The following LIN28B variants were observed in gnomAD, a reference collection of about 807,000 sequenced individuals.
The protein encoded by LIN28B is protein lin-28 homolog B.
A neutral mutation model predicts 21.9 loss-of-function variants in LIN28B; 5 were observed. That is an observed-to-expected ratio of 0.23 (90% CI 0.12 to 0.48). LIN28B has a LOEUF of 0.48. Among genes scored for constraint, LIN28B ranks in the 20% least tolerant of loss-of-function variants. The probability of loss-of-function intolerance (pLI) is 0.98; values close to 1 mark genes in which losing one functional copy is unlikely to be tolerated. For missense variants in LIN28B, 245 were observed against 310.5 expected (o/e 0.79, Z 1.58); for synonymous variants, 109 against 111.3 (o/e 0.98, Z 0.13).
chr6:105,050,710 G>C (rs1414594369), intron 3 of LIN28B, among the ~76,000 whole-genome samples: 5 of 150,474 alleles, frequency 3.3e-5, no homozygotes, highest in East Asian at 1.9e-4. Flanking sequence ...AGTCTGATGG[G>C]CTTCCCTTTG....
chr6:104,991,884 G>C (rs931247938), intron 2 of LIN28B, among the ~76,000 whole-genome samples: 1 of 152,116 alleles, frequency 6.6e-6, no homozygotes, highest in East Asian at 1.9e-4. Flanking sequence ...GGCGGCGTGC[G>C]CCTGCAATCG....
intron 2 of LIN28B, among the ~76,000 whole-genome samples, chr6:104,995,370 A>C (rs1234906447): frequency 6.6e-6 from 1 of 152,176 alleles, no homozygotes; most frequent in Non-Finnish European, 1.5e-5. Context: ...GAGTTGATTG[A>C]GTGGATCGGA....
At chr6:105,071,609 G>C (rs1305894053) in intron 3 of LIN28B, among the ~76,000 whole-genome samples, 2 of 152,148 alleles carry the variant, frequency 1.3e-5, no homozygotes, top group Non-Finnish European at 2.9e-5. Flanking sequence ...CTAGGTCAGA[G>C]AGTATGTGTA....
intron 3 of LIN28B, among the ~76,000 whole-genome samples, chr6:105,031,905 C>A (rs1771432698): frequency 1.3e-5 from 2 of 152,046 alleles, no homozygotes. Context: ...TTATTACCCC[C>A]AAAAATCTCC....
chr6:104,953,734 G>T (rs1017174627), upstream of LIN28B, among the ~76,000 whole-genome samples: 1 of 152,206 alleles, frequency 6.6e-6, no homozygotes, highest in African/African-American at 2.4e-5. Flanking sequence ...GCCGCCTGGG[G>T]AGCGACCTGC....
At chr6:104,977,821 C>G (rs1156260224) in intron 2 of LIN28B, among the ~76,000 whole-genome samples, 2 of 152,146 alleles carry the variant, frequency 1.3e-5, no homozygotes, top group Non-Finnish European at 2.9e-5. Context: ...CCGCCTTGGC[C>G]TCCCAAAATG....
chr6:105,032,862 A>G (rs1479805568), intron 3 of LIN28B, among the ~76,000 whole-genome samples: 1 of 152,096 alleles, frequency 6.6e-6, no homozygotes, highest in African/African-American at 2.4e-5. Context: ...CTCTTTGACA[A>G]ACTGTTTCTT....
chr6:105,023,234 ATT>A (rs1771173625), intron 2 of LIN28B, among the ~76,000 whole-genome samples: 1 of 97,020 alleles, frequency 1.0e-5, no homozygotes, highest in Non-Finnish European at 1.9e-5. Context: ...TATAATATAT[ATT>A]ATATTATATA....
intron 1 of LIN28B, among the ~76,000 whole-genome samples, chr6:104,957,570 C>T (rs146807019): frequency 6.6e-6 from 1 of 152,172 alleles, no homozygotes; most frequent in East Asian, 1.9e-4. Context: ...TACACCTGCC[C>T]CCTCCCCCAT....
In LIN28B at chr6:104,994,328, A is replaced by G. The variant is rs370727824; in HGVS notation, c.199-31970A>G. On this transcript the variant is annotated intron_variant, in intron 2 of 3. Transcript: ENST00000345080. ...CGATAAAAACATTTTTTAACTTTTAACGATACTTTTAAGTGAAGATCTGTG... is the reference window on the plus strand; with the variant it reads ...CGATAAAAACATTTTTTAACTTTTAGCGATACTTTTAAGTGAAGATCTGTG... 2.4e-4 allele frequency among the ~76,000 whole-genome samples: 36 copies of G among 152,322 alleles called. No homozygotes were observed. In the East Asian group the frequency reaches 5.4e-3, roughly 23 times the overall value.
chr6:104,958,622 G>T (rs1769638562), intron 2 of LIN28B, among the ~76,000 whole-genome samples: 1 of 152,034 alleles, frequency 6.6e-6, no homozygotes, highest in Admixed American at 6.6e-5. Context: ...CTGGTGAATG[G>T]GTAGAAAAAT....
intron 2 of LIN28B, among the ~76,000 whole-genome samples, chr6:105,013,072 A>G (rs1440069728): frequency 2.0e-5 from 3 of 151,854 alleles, no homozygotes; most frequent in Admixed American, 6.6e-5. Context: ...CTGGGGTGCA[A>G]TGGCGCAATC....
At chr6:105,032,585 C>T (rs945723964) in intron 3 of LIN28B, among the ~76,000 whole-genome samples, 1 of 151,928 alleles carries the variant, frequency 6.6e-6, no homozygotes, top group Non-Finnish European at 1.5e-5. Context: ...ATTAGCTGGG[C>T]ATGGTGGTGC....
chr6:104,989,618 G>GA (rs1279507474), intron 2 of LIN28B, among the ~76,000 whole-genome samples: 3 of 113,120 alleles, frequency 2.7e-5, no homozygotes, highest in African/African-American at 6.5e-5. Context: ...TTTTGAGACA[G>GA]AGTCTCACTG....
intron 3 of LIN28B, among the ~76,000 whole-genome samples, chr6:105,033,548 T>G (rs1016960427): frequency 6.6e-5 from 10 of 152,074 alleles, no homozygotes; most frequent in Non-Finnish European, 1.3e-4. Context: ...TAGTAAATAT[T>G]GTGTTGTTTT....
chr6:105,061,600 A>G (rs1772122605), intron 3 of LIN28B, among the ~76,000 whole-genome samples: 1 of 139,112 alleles, frequency 7.2e-6, no homozygotes, highest in Non-Finnish European at 1.5e-5. Flanking sequence ...CCTACCATTT[A>G]TATATGGAGG....
In LIN28B at chr6:105,080,213, T is replaced by A. The variant is rs221634; in HGVS notation, c.*1430T>A. ...TAGGTTTCGGTCATGGAAAAAAAAA[T>A]TATTTTGGGGTCATCCTGGCTCTAG... On this transcript the variant is annotated 3_prime_UTR_variant, in exon 4 of 4. Transcript: ENST00000345080. The A allele has an allele frequency of 0.52, 79,039 of 151,802 alleles. 21,762 individuals are homozygous for A. Among genetic ancestry groups the A allele is most frequent in the Non-Finnish European group, 0.62 (42,125 of 67,778 alleles). 9.4% of individuals were successfully genotyped at this position (151,802 alleles called of 1,614,324 possible). A position where few individuals can be genotyped will look rare whatever the true frequency, so the allele number is the denominator to read the frequency against.
intron 2 of LIN28B, among the ~76,000 whole-genome samples, chr6:104,962,043 C>T (rs1769756849): frequency 6.6e-6 from 1 of 151,984 alleles, no homozygotes; most frequent in South Asian, 2.1e-4. Flanking sequence ...CATTATCTTA[C>T]CTAATAAGAT....
chr6:105,069,171 T>C (rs555956571), intron 3 of LIN28B, among the ~76,000 whole-genome samples: 207 of 152,286 alleles, frequency 1.4e-3, no homozygotes, highest in Admixed American at 4.4e-3. Flanking sequence ...TGAGCCAAGA[T>C]TGTGCCACTG....
Sources: gnomAD v4.1 joint callset for allele counts (sites outside exome capture counted in the v4.1 genomes callset) on GRCh38, gnomAD v4.1.1 for gene constraint, MANE v1.5 for transcripts, NCBI Gene and HGNC (gene_info 2026-07-23, HGNC 2026-07-21) for gene names.